Variants in ASAP1 observed in about 807,000 individuals in gnomAD.
ASAP1 encodes the protein arf-GAP with SH3 domain, ANK repeat and PH domain-containing protein 1.
A neutral mutation model predicts 145.2 loss-of-function variants in ASAP1; 43 were observed. The ratio of observed to expected loss-of-function variants is 0.30; its 90% confidence interval spans 0.23 to 0.38. The LOEUF (loss-of-function observed/expected upper bound fraction) is 0.38. Among genes scored for constraint, ASAP1 ranks in the 10% least tolerant of loss-of-function variants. The pLI, the probability that ASAP1 is intolerant of heterozygous loss-of-function variation, is 1.00. For synonymous variants in ASAP1, 546 were observed against 515.5 expected (o/e 1.06, Z -0.80); for missense variants, 1,018 against 1,355.3 (o/e 0.75, Z 3.91).
chr8:130,064,893 A>ATGTGTGTGTGTGTG (rs34905534), intron 27 of ASAP1, among the ~76,000 whole-genome samples: 10 of 142,658 alleles, frequency 7.0e-5, no homozygotes, highest in South Asian at 2.3e-4. Context: ...TTTACTAAGA[A>ATGTGTGTGTGTGTG]TGTGTGTGTG....
At chr8:130,185,574 A>G (rs1814658582) in intron 7 of ASAP1, among the ~76,000 whole-genome samples, 1 of 151,848 alleles carries the variant, frequency 6.6e-6, no homozygotes, top group Admixed American at 6.6e-5. Flanking sequence ...TAAAAATACA[A>G]AAAATTAGCT....
At position 130,416,183 on chromosome 8, in the gene ASAP1, G is replaced by A. The variant is rs148001021; in HGVS notation, c.-27-14213C>T. 5.2e-3 allele frequency among the ~76,000 whole-genome samples: 791 copies of A among 152,134 alleles called. 7 individuals carry two copies. The highest frequency in any genetic ancestry group is 0.018 in the African/African-American group (737 of 41,524). ...CGCCACTCCCCGCCCCACTAGTGTC[G>A]CCAACTCCGGAGGACAAGCCGCTGA... On this transcript the variant is annotated intron_variant, in intron 1 of 29. Transcript: ENST00000518721.
At chr8:130,292,882 G>A (rs1204091515) in intron 3 of ASAP1, among the ~76,000 whole-genome samples, 1 of 152,198 alleles carries the variant, frequency 6.6e-6, no homozygotes, top group Non-Finnish European at 1.5e-5. Context: ...TCACAAGACT[G>A]TTCTGTGAAC....
At chr8:130,366,086 C>G (rs925306918) in intron 2 of ASAP1, among the ~76,000 whole-genome samples, 19 of 152,154 alleles carry the variant, frequency 1.2e-4, no homozygotes, top group Admixed American at 3.9e-4. Context: ...GGGAACTGAG[C>G]CAAATGCCAA....
At chr8:130,236,496 C>G (rs916273833) in intron 4 of ASAP1, among the ~76,000 whole-genome samples, 13 of 152,000 alleles carry the variant, frequency 8.6e-5, no homozygotes, top group Non-Finnish European at 2.9e-5. Context: ...TTTAACTTTG[C>G]CCCCTCCTCT....
intron 3 of ASAP1, among the ~76,000 whole-genome samples, chr8:130,269,233 G>C (rs1820445490): frequency 6.6e-6 from 1 of 152,186 alleles, no homozygotes; most frequent in African/African-American, 2.4e-5. Flanking sequence ...AAAAGGCAGA[G>C]TCTGGTTTAG....
At chr8:130,287,669 C>T (rs1003210280) in intron 3 of ASAP1, among the ~76,000 whole-genome samples, 6 of 152,160 alleles carry the variant, frequency 3.9e-5, no homozygotes, top group East Asian at 1.9e-4. Context: ...CTGCAAAATG[C>T]GTAAGCCCTA....
intron 5 of ASAP1, chr8:130,195,206 C>T (rs187500137): frequency 6.6e-5 from 10 of 151,968 alleles, no homozygotes; most frequent in Admixed American, 2.6e-4. Context: ...TTTTAAAGTG[C>T]ATTTTTTTCA....
intron 4 of ASAP1, among the ~76,000 whole-genome samples, chr8:130,215,458 G>T (rs1816837987): frequency 6.6e-6 from 1 of 151,940 alleles, no homozygotes; most frequent in African/African-American, 2.4e-5. Flanking sequence ...TTAGCTGGGT[G>T]TAGGGCCGGG....
At chr8:130,368,049 C>G (rs1827043287) in intron 2 of ASAP1, among the ~76,000 whole-genome samples, 1 of 151,816 alleles carries the variant, frequency 6.6e-6, no homozygotes, top group Non-Finnish European at 1.5e-5. Flanking sequence ...ACTAGGGGCT[C>G]TAATTCAGAA....
At chr8:130,063,875 G>A (rs2097424614) in intron 27 of ASAP1, among the ~76,000 whole-genome samples, 1 of 152,198 alleles carries the variant, frequency 6.6e-6, no homozygotes, top group Non-Finnish European at 1.5e-5. Flanking sequence ...CCTGCTGGGA[G>A]CTCACATTCC....
intron 4 of ASAP1, among the ~76,000 whole-genome samples, chr8:130,225,581 G>A (rs1185412044): frequency 3.3e-5 from 5 of 152,018 alleles, no homozygotes; most frequent in Non-Finnish European, 7.4e-5. Context: ...GCCTATAGAA[G>A]GCAACTATTT....
At chr8:130,192,150 G>C (rs997093519) in intron 5 of ASAP1, among the ~76,000 whole-genome samples, 1 of 152,090 alleles carries the variant, frequency 6.6e-6, no homozygotes, top group Non-Finnish European at 1.5e-5. Context: ...TGGCATACCA[G>C]AGAGCTATAG....
chr8:130,126,937 C>CT (rs2135729957), intron 16 of ASAP1, among the ~76,000 whole-genome samples: 1 of 152,318 alleles, frequency 6.6e-6, no homozygotes, highest in African/African-American at 2.4e-5. Flanking sequence ...TTCAACCTCT[C>CT]TGAGTCCCAG....
At chr8:130,405,804 T>G (rs1829002306) in intron 1 of ASAP1, among the ~76,000 whole-genome samples, 1 of 152,260 alleles carries the variant, frequency 6.6e-6, no homozygotes, top group African/African-American at 2.4e-5. Context: ...ACCCATCTGA[T>G]GCTCTGAGAA....
At chr8:130,219,655 G>A (rs1817171798) in intron 4 of ASAP1, among the ~76,000 whole-genome samples, 1 of 152,200 alleles carries the variant, frequency 6.6e-6, no homozygotes, top group African/African-American at 2.4e-5. Context: ...GTTAGGGTAA[G>A]TAGGTGAGAA....
intron 3 of ASAP1, among the ~76,000 whole-genome samples, chr8:130,263,034 C>T (rs1586710109): frequency 6.6e-6 from 1 of 152,134 alleles, no homozygotes; most frequent in Non-Finnish European, 1.5e-5. Context: ...AGAAAAAGAT[C>T]CATCCCCAGA....
chr8:130,344,438 T>C (rs1024570277), intron 3 of ASAP1, among the ~76,000 whole-genome samples: 1 of 151,914 alleles, frequency 6.6e-6, no homozygotes, highest in Admixed American at 6.6e-5. Context: ...ACGGATGAAA[T>C]GAAATACCTG....
At chr8:130,296,264 T>C (rs989366635) in intron 3 of ASAP1, among the ~76,000 whole-genome samples, 14 of 152,224 alleles carry the variant, frequency 9.2e-5, no homozygotes, top group Non-Finnish European at 1.8e-4. Context: ...TTTACCTGGT[T>C]GAACACCAGA....
Sources: allele counts gnomAD v4.1 joint callset (sites outside exome capture counted in the v4.1 genomes callset), GRCh38; gene constraint gnomAD v4.1.1; transcripts MANE v1.5; gene names NCBI Gene and HGNC (gene_info 2026-07-23, HGNC 2026-07-21).